The following ENOX1 variants were observed in gnomAD, a reference collection of about 807,000 sequenced individuals.
ENOX1 encodes the protein candidate growth-related and time keeping constitutive hydroquinone (NADH) oxidase.
In ENOX1, 42 loss-of-function variants were observed where a neutral mutation model predicts 82.5. The observed-to-expected ratio is 0.51, with a 90% CI of 0.40 to 0.66. The LOEUF is 0.66. ENOX1 is among the 30% of genes least tolerant of loss of function. The pLI is 0.00. For missense variants in ENOX1, 608 were observed against 811.6 expected (o/e 0.75, Z 3.05); for synonymous variants, 271 against 282.2 (o/e 0.96, Z 0.40).
chr13:43,344,937 G>A (rs1404230682), intron 8 of ENOX1, among the ~76,000 whole-genome samples, 187 bp from the exon 9 acceptor site: 1 of 152,090 alleles, frequency 6.6e-6, no homozygotes, highest in East Asian at 1.9e-4. Context: ...TAACTTCAGG[G>A]CACCACAGAA....
At chr13:43,537,650 TTAA>T (rs1308356636) in intron 2 of ENOX1, among the ~76,000 whole-genome samples, 1 of 152,198 alleles carries the variant, frequency 6.6e-6, no homozygotes, top group African/African-American at 2.4e-5. Context: ...TCACTGAAAA[TTAA>T]TAAGCTCTCA....
chr13:43,536,681 C>T (rs1200628368), intron 2 of ENOX1, among the ~76,000 whole-genome samples: 1 of 152,180 alleles, frequency 6.6e-6, no homozygotes, highest in African/African-American at 2.4e-5. Flanking sequence ...CAAAATACAT[C>T]ACCACCTTCC....
At chr13:43,549,632 A>T (rs1475520578) in intron 2 of ENOX1, among the ~76,000 whole-genome samples, 2 of 152,222 alleles carry the variant, frequency 1.3e-5, no homozygotes, top group Non-Finnish European at 2.9e-5. Flanking sequence ...GCTGAAATTT[A>T]CCATTACTTA....
At chr13:43,404,427 T>C (rs1268195490) in intron 5 of ENOX1, among the ~76,000 whole-genome samples, 1 of 152,208 alleles carries the variant, frequency 6.6e-6, no homozygotes, top group Non-Finnish European at 1.5e-5. Context: ...TAGAACTTTC[T>C]CATCTTTTCA....
intron 3 of ENOX1, among the ~76,000 whole-genome samples, chr13:43,476,341 G>A (rs1208549535): frequency 1.3e-5 from 2 of 151,920 alleles, no homozygotes; most frequent in Non-Finnish European, 2.9e-5. Context: ...TTTAACTTGA[G>A]ATACATCTGG....
chr13:43,449,369 A>G (rs1298084521), intron 3 of ENOX1, among the ~76,000 whole-genome samples: 1 of 152,218 alleles, frequency 6.6e-6, no homozygotes, highest in Non-Finnish European at 1.5e-5. Flanking sequence ...AATTTTAGAC[A>G]CTGGTTGGGC....
intron 1 of ENOX1, among the ~76,000 whole-genome samples, chr13:43,704,457 C>T (rs902793552): frequency 2.6e-5 from 4 of 151,928 alleles, no homozygotes; most frequent in Admixed American, 1.3e-4. Flanking sequence ...AGGAAACTGA[C>T]CTTTGAAAGA....
chr13:43,532,785 CCTT>C (rs2078286396), intron 2 of ENOX1, among the ~76,000 whole-genome samples: 1 of 151,792 alleles, frequency 6.6e-6, no homozygotes. Flanking sequence ...AGGATACTAA[CCTT>C]CTTGTTATAT....
intron 1 of ENOX1, among the ~76,000 whole-genome samples, chr13:43,737,500 G>A (rs9533602): frequency 0.093 from 14,184 of 152,160 alleles, 1,093 homozygotes; most frequent in African/African-American, 0.21. Context: ...TGCTGCTTCT[G>A]TTTGGTTCAG....
chr13:43,707,569 C>T (rs2087381293), intron 1 of ENOX1, among the ~76,000 whole-genome samples: 1 of 151,800 alleles, frequency 6.6e-6, no homozygotes, highest in Non-Finnish European at 1.5e-5. Flanking sequence ...CCTGTCTCTA[C>T]TAAAAGTACA....
In ENOX1 at chr13:43,290,379, A is replaced by G. The variant is rs541260760; in HGVS notation, c.1446+7967T>C. Among the ~76,000 whole-genome samples, 6 of 152,288 alleles carry G rather than the reference A, an allele frequency of 3.9e-5. No homozygotes were observed. In the South Asian group the frequency reaches 1.0e-3, roughly 26 times the overall value. ...GAAGATGGGATATACATATATATAT[A>G]TATATACACACACACATACCACAGA... On this transcript the variant is annotated intron_variant, in intron 12 of 16. Transcript: ENST00000690772.
chr13:43,519,213 T>C (rs139216796), intron 2 of ENOX1, among the ~76,000 whole-genome samples: 124 of 152,308 alleles, frequency 8.1e-4, no homozygotes, highest in African/African-American at 2.9e-3. Context: ...ATATTAGTTC[T>C]TCCTCAGACA....
At chr13:43,440,249 C>T (rs540817305) in intron 3 of ENOX1, among the ~76,000 whole-genome samples, 1 of 152,134 alleles carries the variant, frequency 6.6e-6, no homozygotes, top group South Asian at 2.1e-4. Context: ...TCAATTCTAA[C>T]AGTTAGACAA....
intron 2 of ENOX1, among the ~76,000 whole-genome samples, chr13:43,527,529 T>C (rs1024632707): frequency 2.0e-5 from 3 of 152,148 alleles, no homozygotes; most frequent in African/African-American, 7.2e-5. Flanking sequence ...GGAGCCTACA[T>C]TTCTAAATCT....
chr13:43,428,195 A>C (rs1395904032), intron 3 of ENOX1, among the ~76,000 whole-genome samples: 1 of 152,134 alleles, frequency 6.6e-6, no homozygotes, highest in Non-Finnish European at 1.5e-5. Flanking sequence ...ACAACTCAAG[A>C]CCCATGCTTT....
intron 14 of ENOX1, among the ~76,000 whole-genome samples, chr13:43,251,688 G>C (rs2043464533): frequency 6.6e-6 from 1 of 152,202 alleles, no homozygotes; most frequent in African/African-American, 2.4e-5. Flanking sequence ...AGGGCGATAA[G>C]ATAGATGGAG....
chr13:43,569,916 G>C (rs1230290919), intron 2 of ENOX1, among the ~76,000 whole-genome samples: 7 of 152,178 alleles, frequency 4.6e-5, no homozygotes, highest in Non-Finnish European at 8.8e-5. Flanking sequence ...CCTTCTCTGG[G>C]TTAGCTCTGC....
chr13:43,667,314 A>G (rs921190875), intron 2 of ENOX1, 165 bp downstream of exon 2: 3 of 270,466 alleles, frequency 1.1e-5, no homozygotes, highest in African/African-American at 4.6e-5. Flanking sequence ...ATGCTCCCCA[A>G]ATGCATGTTA....
At chr13:43,773,179 G>T (rs1223923892) in intron 1 of ENOX1, among the ~76,000 whole-genome samples, 1 of 152,136 alleles carries the variant, frequency 6.6e-6, no homozygotes, top group Non-Finnish European at 1.5e-5. Context: ...TGCCAGAAGG[G>T]TTTTATGTAT....
Sources: allele counts gnomAD v4.1 joint callset (sites outside exome capture counted in the v4.1 genomes callset), GRCh38; gene constraint gnomAD v4.1.1; transcripts MANE v1.5; gene names NCBI Gene and HGNC (gene_info 2026-07-23, HGNC 2026-07-21).